The following PXDN variants were observed in gnomAD, a reference collection of about 807,000 sequenced individuals.
PXDN encodes peroxidasin homolog.
Under a neutral mutation model 140.3 loss-of-function variants are expected in PXDN, and 77 were observed. The observed-to-expected ratio is 0.55, with a 90% confidence interval of 0.46 to 0.66. PXDN has a LOEUF of 0.66. PXDN is among the 30% of genes least tolerant of loss of function. The pLI is 0.00. For synonymous variants in PXDN, 911 were observed against 857.4 expected, an observed-to-expected ratio of 1.06 and a Z score of -1.09; for missense variants, 1,838 against 2,039.5, an observed-to-expected ratio of 0.90 and a Z score of 1.90.
chr2:1,654,506 G>C lies in PXDN; in HGVS notation c.1840C>G (p.Pro614Ala). Residue 614 changes from proline (P) to alanine (A), a missense_variant and splice_region_variant, in exon 15 of 23, where the codon CCT becomes GCT. By Grantham distance (27) the Pro-to-Ala change is conservative. This residue lies in a region of PXDN where 537 missense variants were observed against 583.9 expected (regional missense o/e 0.92). Coordinates refer to ENST00000252804, the MANE Select transcript of PXDN (RefSeq NM_012293.3). Reference protein sequence around the residue: ...SVSMVLSVNVPDVSRNGDPFV... With the variant: ...SVSMVLSVNVADVSRNGDPFV... Reference sequence around the variant, plus strand: ...GGATCTCCATTTCGACTGACGTCAGGAACTAGGAAAATACAAAGTCGCGTA... The same window carrying C: ...GGATCTCCATTTCGACTGACGTCAGCAACTAGGAAAATACAAAGTCGCGTA... 6.2e-7 allele frequency: 1 copy of C among 1,609,324 alleles called. No homozygotes were observed. Among genetic ancestry groups the C allele is most frequent in the Non-Finnish European group, 8.5e-7 (1 of 1,175,898 alleles).
Position 1,744,352 on chromosome 2 carries a change from C to G in PXDN, c.104G>C (p.Gly35Ala), listed in dbSNP as rs1005251568. Residue 35 changes from glycine (G) to alanine (A), a missense_variant, in exon 1 of 23, where the codon GGG (glycine) becomes GCG (alanine). Coordinates refer to ENST00000252804, the MANE Select transcript of PXDN (RefSeq NM_012293.3). ...GAAGCACAGGCAGCGGCTCGGACAC[C>G]CTGCGCCCGGCTTCTGGGCCACCAC... The part of the protein sequence containing the change: ...LAVVAQKPGA[G>A]CPSRCLCFRT... 3.9e-6 allele frequency: 6 copies of G among 1,527,438 alleles called. No homozygotes were observed. In the African/African-American group the frequency reaches 7.0e-5, roughly 18 times the overall value. The allele number at this position is 1,527,438 out of a possible 1,614,324, so 94.6% of individuals were successfully genotyped here. A position where few individuals can be genotyped will look rare whatever the true frequency, so the allele number is the denominator to read the frequency against.
intron 1 of PXDN, among the ~76,000 whole-genome samples, chr2:1,696,700 G>A (rs1424153193): frequency 6.6e-6 from 1 of 152,158 alleles, no homozygotes; most frequent in Non-Finnish European, 1.5e-5. Flanking sequence ...CACATGAAAG[G>A]AGCTAGAAAG....
chr2:1,657,230 C>T (rs78574348), intron 14 of PXDN, among the ~76,000 whole-genome samples: 2,412 of 147,674 alleles, frequency 0.016, 71 homozygotes, highest in African/African-American at 0.058. Context: ...ACTTGCTCTC[C>T]CCTGACTGGA....
chr2:1,713,357 C>A (rs749610547), intron 1 of PXDN, among the ~76,000 whole-genome samples: 9 of 152,244 alleles, frequency 5.9e-5, no homozygotes, highest in Non-Finnish European at 8.8e-5. Flanking sequence ...GGCCTCCGGG[C>A]TTCCATCCCT....
chr2:1,719,930 GA>G lies in PXDN; in HGVS notation c.200+24325del. ...AGAGGGAGGGAGGGATGCAGAGAGG[GA>G]GAGAGAGAGAGGGAGGGATGCAGAG... is the stretch of plus-strand genomic sequence containing the variant. On this transcript the variant is annotated intron_variant, in intron 1 of 22. Coordinates refer to ENST00000252804, the MANE Select transcript of PXDN (RefSeq NM_012293.3). Among the ~76,000 whole-genome samples, 5 of 90,350 alleles carry G rather than the reference GA, an allele frequency of 5.5e-5. 1 individual carries two copies. Among genetic ancestry groups the G allele is most frequent in the African/African-American group, 2.4e-4 (5 of 20,594 alleles). The allele number at this position is 90,350 out of a possible 152,430, so 59.3% of individuals were successfully genotyped here.
chr2:1,679,193 T>A (rs1683806018), intron 7 of PXDN, among the ~76,000 whole-genome samples: 1 of 150,566 alleles, frequency 6.6e-6, no homozygotes, highest in Non-Finnish European at 1.5e-5. Flanking sequence ...TGTATGTGCG[T>A]GTGTGTGGTT....
At chr2:1,707,405 C>T (rs1684643442) in intron 1 of PXDN, among the ~76,000 whole-genome samples, 1 of 122,382 alleles carries the variant, frequency 8.2e-6, no homozygotes, top group East Asian at 2.0e-4. Context: ...ACCTGCCCCA[C>T]TAATAATACA....
intron 15 of PXDN, chr2:1,654,040 A>C: frequency 1.9e-6 from 1 of 514,802 alleles, no homozygotes; most frequent in Non-Finnish European, 3.4e-6. Flanking sequence ...ATTTCACATA[A>C]GATGCAGAAA....
rs1682974060 is a variant in PXDN, at chr2:1,649,815, GCTTC to G, written c.2105-144_2105-141del. On this transcript the variant is annotated intron_variant, in intron 16 of 22. Coordinates refer to ENST00000252804, the MANE Select transcript of PXDN (RefSeq NM_012293.3). The surrounding 1 kb of genome is among the most constrained non-coding windows in gnomAD (Gnocchi z 7.1). ...ACCTGTTGTGCGCCATGCAACAAGC[GCTTC>G]CTGCTGGAAACCTGCTCACCTCCTG... 4.1e-6 allele frequency: 4 copies of G among 980,526 alleles called. No homozygotes were observed. The highest frequency in any genetic ancestry group is 2.6e-5 in the East Asian group (1 of 38,276). 60.7% of individuals were successfully genotyped at this position (980,526 alleles called of 1,614,324 possible). A position where few individuals can be genotyped will look rare whatever the true frequency, so the allele number is the denominator to read the frequency against.
upstream of PXDN, chr2:1,744,785 G>C (rs567748564): frequency 2.6e-5 from 6 of 226,454 alleles, no homozygotes; most frequent in East Asian, 5.8e-4. Context: ...CCTACGCGAA[G>C]CTTCTCCACT....
chr2:1,709,631 C>T (rs1298132746), intron 1 of PXDN, among the ~76,000 whole-genome samples: 1 of 152,202 alleles, frequency 6.6e-6, no homozygotes, highest in Non-Finnish European at 1.5e-5. Flanking sequence ...CTGCCCGGCC[C>T]CAGGAGGCCG....
chr2:1,728,680 G>A (rs1463720887), intron 1 of PXDN, among the ~76,000 whole-genome samples: 1 of 152,186 alleles, frequency 6.6e-6, no homozygotes, highest in East Asian at 1.9e-4. Flanking sequence ...GCACAGTGTT[G>A]CCGTTCTGGC....
chr2:1,705,891 T>A (rs1190342761), intron 1 of PXDN, among the ~76,000 whole-genome samples: 1 of 152,096 alleles, frequency 6.6e-6, no homozygotes, highest in Non-Finnish European at 1.5e-5. Context: ...CCAGCCCTTT[T>A]GGAGAGTTTC....
intron 21 of PXDN, chr2:1,635,814 C>T (rs1207315929): frequency 2.4e-5 from 10 of 409,674 alleles, no homozygotes; most frequent in East Asian, 5.6e-5. Context: ...ATGACGAGAA[C>T]GTCCTGCACC....
At chr2:1,742,859 G>C (rs1265879974) in intron 1 of PXDN, among the ~76,000 whole-genome samples, 1 of 152,226 alleles carries the variant, frequency 6.6e-6, no homozygotes, top group African/African-American at 2.4e-5. Flanking sequence ...CTGCAAACTC[G>C]GCGACCCCTG....
intron 19 of PXDN, among the ~76,000 whole-genome samples, chr2:1,641,259 C>A (rs1272295533): frequency 6.6e-6 from 1 of 152,182 alleles, no homozygotes; most frequent in Admixed American, 6.5e-5. Flanking sequence ...TCAAGCAATT[C>A]TCCTGCCTCA....
chr2:1,738,618 A>G (rs944965742), intron 1 of PXDN, among the ~76,000 whole-genome samples: 1 of 150,172 alleles, frequency 6.7e-6, no homozygotes, highest in African/African-American at 2.4e-5. Context: ...GCATGATCCC[A>G]TCTCACTACA....
In PXDN at chr2:1,744,492, C is replaced by G. The variant is rs977674539; in HGVS notation, c.-37G>C. 7.3e-7 allele frequency: 1 copy of G among 1,372,768 alleles called. No homozygotes were observed. Among genetic ancestry groups the G allele is most frequent in the Non-Finnish European group, 9.3e-7 (1 of 1,073,002 alleles). 85.0% of individuals were successfully genotyped at this position (1,372,768 alleles called of 1,614,324 possible). A position where few individuals can be genotyped will look rare whatever the true frequency, so the allele number is the denominator to read the frequency against. On this transcript the variant is annotated 5_prime_UTR_variant, in exon 1 of 23. Transcript: ENST00000252804. ...CGGACGGACGCTCGGACGCACGGAG[C>G]CACCACGGCCGGCTCCCGACTGCGC...
chr2:1,691,603 G>A (rs1684184761), intron 3 of PXDN, among the ~76,000 whole-genome samples: 1 of 152,084 alleles, frequency 6.6e-6, no homozygotes, highest in African/African-American at 2.4e-5. Flanking sequence ...GTTCATATCG[G>A]CAACTCACTG....
Sources: gnomAD v4.1 joint callset for allele counts (sites outside exome capture counted in the v4.1 genomes callset) on GRCh38, gnomAD v4.1.1 for gene constraint, gnomAD v4.1.1 regional missense constraint, Gnocchi (gnomAD v3.1) non-coding constraint, MANE v1.5 for transcripts, NCBI Gene and HGNC (gene_info 2026-07-23, HGNC 2026-07-21) for gene names.